The following MFN2 variants were observed in gnomAD, a reference collection of about 807,000 sequenced individuals.
MFN2 encodes mitofusin 2.
In MFN2, 43 loss-of-function variants were observed where a neutral mutation model predicts 87.5. The observed-to-expected ratio is 0.49, with a 90% CI of 0.38 to 0.63. The LOEUF (loss-of-function observed/expected upper bound fraction) is 0.63, where lower values mean the gene tolerates loss of function less well. Ranked by LOEUF, MFN2 falls within the 30% of genes least tolerant of loss-of-function variation. The probability of loss-of-function intolerance (pLI) is 0.00; values close to 1 mark genes in which losing one functional copy is unlikely to be tolerated. For synonymous variants in MFN2, 337 were observed against 359.9 expected, an observed-to-expected ratio of 0.94 and a Z score of 0.72; for missense variants, 743 against 972.8, an observed-to-expected ratio of 0.76 and a Z score of 3.14.
intron 2 of MFN2, among the ~76,000 whole-genome samples, 182 bp downstream of exon 2, chr1:11,982,296 T>C (rs1481836321): frequency 6.6e-6 from 1 of 152,170 alleles, no homozygotes. Flanking sequence ...CGCTGGTTGC[T>C]TAGAGAGCCT....
chr1:11,987,475 C>T (rs565662828), intron 2 of MFN2, among the ~76,000 whole-genome samples: 1 of 151,148 alleles, frequency 6.6e-6, no homozygotes. Context: ...ACTGAAAATA[C>T]AAAAATTAGC....
chr1:11,999,568 C>T (rs1023579276), intron 8 of MFN2, among the ~76,000 whole-genome samples: 2 of 151,938 alleles, frequency 1.3e-5, no homozygotes, highest in African/African-American at 2.4e-5. Flanking sequence ...ATGTTGCCCA[C>T]GCTGGTTTTG....
chr1:12,008,173 C>T (rs1639505097), intron 17 of MFN2, among the ~76,000 whole-genome samples: 1 of 152,248 alleles, frequency 6.6e-6, no homozygotes. Flanking sequence ...CAGCAACAAT[C>T]TGATTTCTCT....
At chr1:11,990,336 A>G (rs766444432) in intron 3 of MFN2, among the ~76,000 whole-genome samples, 5 of 152,244 alleles carry the variant, frequency 3.3e-5, no homozygotes, top group Non-Finnish European at 7.3e-5. Flanking sequence ...TACTTGTTGA[A>G]CTAAAACAAA....
At chr1:11,999,816 C>T (rs564816287) in intron 8 of MFN2, among the ~76,000 whole-genome samples, 5 of 149,302 alleles carry the variant, frequency 3.3e-5, no homozygotes, top group African/African-American at 1.2e-4. Context: ...AAGGGTAGGC[C>T]GGGCGCGGTG....
At chr1:11,991,000 GTCAGCCTCAT>G (rs1638650665) in intron 3 of MFN2, among the ~76,000 whole-genome samples, 1 of 152,186 alleles carries the variant, frequency 6.6e-6, no homozygotes, top group African/African-American at 2.4e-5. Context: ...GCTGGGGCCT[GTCAGCCTCAT>G]AGTTCCCAGG....
intron 17 of MFN2, among the ~76,000 whole-genome samples, chr1:12,009,334 G>C (rs1351995550): frequency 6.6e-6 from 1 of 152,226 alleles, no homozygotes; most frequent in African/African-American, 2.4e-5. Flanking sequence ...GCAGAGTCAG[G>C]ATCTCTTGTG....
chr1:12,006,517 CT>C lies in MFN2; in HGVS notation c.1717-20del. Reference sequence around the variant, plus strand: ...GAGACTCAATACGTCCCCCTCACCCCTCTCATGTTTCTCTCCTCAGGTCCAG... The same window carrying C: ...GAGACTCAATACGTCCCCCTCACCCCCTCATGTTTCTCTCCTCAGGTCCAG... On this transcript the variant is annotated intron_variant, in intron 15 of 18. Coordinates refer to ENST00000235329, the MANE Select transcript of MFN2 (RefSeq NM_014874.4). 6.2e-7 allele frequency: 1 copy of C among 1,613,808 alleles called. No homozygotes were observed. The highest frequency in any genetic ancestry group is 8.5e-7 in the Non-Finnish European group (1 of 1,180,014).
intron 4 of MFN2, among the ~76,000 whole-genome samples, chr1:11,994,576 T>A (rs1332913412): frequency 1.3e-5 from 2 of 150,180 alleles, no homozygotes; most frequent in Non-Finnish European, 3.0e-5. Context: ...GGTGACGGAG[T>A]GAGACTCCGT....
At chr1:11,987,812 G>C (rs754774088) in intron 2 of MFN2, among the ~76,000 whole-genome samples, 14 of 152,070 alleles carry the variant, frequency 9.2e-5, no homozygotes, top group African/African-American at 2.4e-4. Flanking sequence ...TTAGTGGGGC[G>C]TGGTGGTGCA....
At position 11,992,544 on chromosome 1, in the gene MFN2, C is replaced by G. The variant is rs1638733561; in HGVS notation, c.176-11C>G. On this transcript the variant is annotated splice_polypyrimidine_tract_variant and intron_variant, in intron 3 of 18. Transcript: ENST00000235329. The stretch of plus-strand genomic sequence containing the variant: ...ACCACGTGGTGACCCATTTTCAATC[C>G]CCACCTCCAGACACGTACAGGAATG... 6.2e-7 allele frequency: 1 copy of G among 1,614,008 alleles called. No individual in the cohort carries two copies. The highest frequency in any genetic ancestry group is 1.3e-5 in the African/African-American group (1 of 74,914).
In MFN2 at chr1:11,987,956, AAAAT is replaced by A. The variant is rs140173441; in HGVS notation, c.-4-1202_-4-1199del. ...ACAGCGAGATCTTGTCTCAAAATAAAAAATAAATAAGTAAATAAAATGTTAACAT... is the reference window on the plus strand; with the variant it reads ...ACAGCGAGATCTTGTCTCAAAATAAAAAATAAGTAAATAAAATGTTAACAT... On this transcript the variant is annotated intron_variant, in intron 2 of 18. Coordinates refer to ENST00000235329, the MANE Select transcript of MFN2 (RefSeq NM_014874.4). 2.2e-4 allele frequency among the ~76,000 whole-genome samples: 33 copies of A among 152,338 alleles called. No homozygotes were observed. The East Asian group carries it at 5.4e-3, about 25-fold the overall frequency.
At chr1:12,005,073 T>G in intron 14 of MFN2, 146 bp downstream of exon 14, 1 of 719,032 alleles carries the variant, frequency 1.4e-6, no homozygotes, top group South Asian at 1.6e-5. Flanking sequence ...TGGGTACATG[T>G]TCTGAACTCA....
At chr1:11,980,669 C>T (rs771548570) in intron 1 of MFN2, among the ~76,000 whole-genome samples, 185 bp downstream of exon 1, 50 of 152,342 alleles carry the variant, frequency 3.3e-4, no homozygotes, top group Admixed American at 1.1e-3. Context: ...GGGCGGGCCA[C>T]GGGACCTGGG....
chr1:11,989,229 A>T lies in MFN2; in HGVS notation c.61A>T (p.Met21Leu). The T allele has an allele frequency of 6.2e-7, 1 of 1,614,052 alleles. No individual in the cohort carries two copies. Reference protein sequence around the residue: ...IVTVKKNKRHMAEVNASPLKH... With the variant: ...IVTVKKNKRHLAEVNASPLKH... The stretch of plus-strand genomic sequence containing the variant: ...CACAGTCAAGAAAAATAAGAGACAC[A>T]TGGCTGAGGTGAATGCATCCCCACT... The change falls in exon 3 of 19, where the codon ATG becomes TTG. Residue 21 changes from methionine (M) to leucine (L), a missense_variant. Around this residue, in one of 3 missense-constraint regions of MFN2, gnomAD observed 31 missense variants for 23.2 expected, o/e 1.33. Coordinates refer to ENST00000235329, the MANE Select transcript of MFN2 (RefSeq NM_014874.4).
At position 12,013,455 on chromosome 1, in the gene MFN2, C is replaced by A; in HGVS notation, c.*1890C>A. 2.3e-6 allele frequency: 1 copy of A among 441,002 alleles called. No individual in the cohort carries two copies. The highest frequency in any genetic ancestry group is 1.7e-5 in the South Asian group (1 of 59,736). The allele number at this position is 441,002 out of a possible 1,614,324, so 27.3% of individuals were successfully genotyped here. ...AGGTGATGTATTTGCTTGAGTTACTCCTGTATCATTGCTCATAATATTGGA... is the reference window on the plus strand; with the variant it reads ...AGGTGATGTATTTGCTTGAGTTACTACTGTATCATTGCTCATAATATTGGA... On this transcript the variant is annotated 3_prime_UTR_variant, in exon 19 of 19. Coordinates refer to ENST00000235329, the MANE Select transcript of MFN2 (RefSeq NM_014874.4).
intron 10 of MFN2, 59 bp downstream of exon 10, chr1:12,001,895 T>C: frequency 6.2e-7 from 1 of 1,613,906 alleles, no homozygotes; most frequent in Non-Finnish European, 8.5e-7. Flanking sequence ...CCATTGGCTG[T>C]GTCCCTGGCA....
chr1:12,011,266 A>T (rs1639681545), intron 18 of MFN2, among the ~76,000 whole-genome samples: 1 of 152,180 alleles, frequency 6.6e-6, no homozygotes. Flanking sequence ...AGGGCTTGAG[A>T]ATCAGAAAAG....
chr1:12,002,643 G>T (rs547868721), intron 11 of MFN2, among the ~76,000 whole-genome samples: 80 of 152,296 alleles, frequency 5.3e-4, no homozygotes, highest in Middle Eastern at 3.4e-3. Context: ...AGCTGTGATC[G>T]CACCACTGCA....
Sources: gnomAD v4.1 joint callset for allele counts (sites outside exome capture counted in the v4.1 genomes callset) on GRCh38, gnomAD v4.1.1 for gene constraint, gnomAD v4.1.1 regional missense constraint, MANE v1.5 for transcripts, NCBI Gene and HGNC (gene_info 2026-07-23, HGNC 2026-07-21) for gene names.